ZMYND11: variants seen among roughly 807,000 people sequenced by gnomAD.
ZMYND11 encodes zinc finger MYND-type containing 11.
In ZMYND11, 9 loss-of-function variants were observed where a neutral mutation model predicts 84.9. The ratio of observed to expected loss-of-function variants is 0.11; its 90% CI spans 0.06 to 0.18. ZMYND11 has a LOEUF of 0.18. Ranked by LOEUF, ZMYND11 falls within the 10% of genes least tolerant of loss-of-function variation. ZMYND11 has a pLI of 1.00. For synonymous variants in ZMYND11, 250 were observed against 244.1 expected, an observed-to-expected ratio of 1.02 and a Z score of -0.23; for missense variants, 409 against 761.0, an observed-to-expected ratio of 0.54 and a Z score of 5.44.
chr10:245,302 T>C (rs1278882091), intron 10 of ZMYND11, among the ~76,000 whole-genome samples: 3 of 152,226 alleles, frequency 2.0e-5, no homozygotes, highest in Non-Finnish European at 2.9e-5. Context: ...GATTATTGTA[T>C]ATTTAAAGTG....
At chr10:163,063 A>T (rs1188439198) in intron 1 of ZMYND11, among the ~76,000 whole-genome samples, 2 of 152,138 alleles carry the variant, frequency 1.3e-5, no homozygotes, top group Non-Finnish European at 2.9e-5. Context: ...AGGTGCATAA[A>T]TTTTTTTAAT....
chr10:222,651 A>G (rs1564408235), intron 4 of ZMYND11, among the ~76,000 whole-genome samples: 2 of 152,050 alleles, frequency 1.3e-5, no homozygotes, highest in African/African-American at 2.4e-5. Flanking sequence ...GCAAATATAC[A>G]TCTTCCATTT....
intron 1 of ZMYND11, among the ~76,000 whole-genome samples, chr10:151,295 G>A (rs558333963): frequency 3.9e-5 from 6 of 152,278 alleles, no homozygotes; most frequent in African/African-American, 7.2e-5. Flanking sequence ...CGAACCCATC[G>A]CAAAGAAGCT....
intron 2 of ZMYND11, among the ~76,000 whole-genome samples, chr10:201,731 A>C (rs1195675745): frequency 6.6e-6 from 1 of 152,084 alleles, no homozygotes; most frequent in Admixed American, 6.6e-5. Context: ...CTGGGAGAGA[A>C]GGGAGCGCTC....
At chr10:163,234 C>T (rs965426960) in intron 1 of ZMYND11, among the ~76,000 whole-genome samples, 2 of 152,126 alleles carry the variant, frequency 1.3e-5, no homozygotes, top group African/African-American at 2.4e-5. Context: ...ATCACCCCCC[C>T]ACTACCTGGG....
chr10:143,306 G>A (rs1837916800), intron 1 of ZMYND11, among the ~76,000 whole-genome samples: 1 of 152,210 alleles, frequency 6.6e-6, no homozygotes, highest in African/African-American at 2.4e-5. Flanking sequence ...GGCTAGGCAT[G>A]GGGGAAGCTC....
intron 1 of ZMYND11, among the ~76,000 whole-genome samples, chr10:169,896 T>G (rs993505362): frequency 6.6e-6 from 1 of 152,100 alleles, no homozygotes; most frequent in Non-Finnish European, 1.5e-5. Context: ...TCAAAAATGC[T>G]TGACAATTTC....
At chr10:217,350 G>A (rs1454599984) in intron 3 of ZMYND11, among the ~76,000 whole-genome samples, 2 of 151,974 alleles carry the variant, frequency 1.3e-5, no homozygotes, top group African/African-American at 2.4e-5. Flanking sequence ...GCGAAATCCC[G>A]TCTCTACTAA....
At chr10:236,179 AC>A (rs1323874910) in intron 4 of ZMYND11, among the ~76,000 whole-genome samples, 3 of 152,358 alleles carry the variant, frequency 2.0e-5, no homozygotes, top group African/African-American at 7.2e-5. Context: ...AGGGACTTTG[AC>A]TAAGGAAATA....
intron 2 of ZMYND11, among the ~76,000 whole-genome samples, chr10:203,963 A>G (rs911277017): frequency 3.9e-5 from 6 of 152,212 alleles, no homozygotes; most frequent in African/African-American, 1.4e-4. Context: ...AAAACTGTGT[A>G]ATAATCCTTG....
chr10:172,999 G>A (rs1164326903), intron 1 of ZMYND11, among the ~76,000 whole-genome samples: 1 of 151,498 alleles, frequency 6.6e-6, no homozygotes, highest in African/African-American at 2.4e-5. Context: ...TAGCCCTTGA[G>A]GAAATGGTGC....
At chr10:235,492 ACT>A (rs1459357162) in intron 4 of ZMYND11, among the ~76,000 whole-genome samples, 5 of 151,922 alleles carry the variant, frequency 3.3e-5, no homozygotes, top group African/African-American at 9.7e-5. Flanking sequence ...TGCCATGGAC[ACT>A]CTGTCTTGGC....
chr10:133,745 T>C (rs1554750620), upstream of ZMYND11, among the ~76,000 whole-genome samples: 1 of 152,204 alleles, frequency 6.6e-6, no homozygotes, highest in East Asian at 1.9e-4. Context: ...ATGGCTTGCT[T>C]TTCTTCTGAC....
chr10:160,304 T>C (rs1554761311), intron 1 of ZMYND11, among the ~76,000 whole-genome samples: 3 of 152,212 alleles, frequency 2.0e-5, no homozygotes, highest in African/African-American at 7.2e-5. Context: ...ACAAGACAAA[T>C]GTACAGACCT....
chr10:159,850 T>C (rs1273895151), intron 1 of ZMYND11, among the ~76,000 whole-genome samples: 1 of 152,230 alleles, frequency 6.6e-6, no homozygotes, highest in African/African-American at 2.4e-5. Flanking sequence ...ATTTTGATTT[T>C]CTGATTTTTG....
chr10:179,408 C>A (rs1216601395), intron 1 of ZMYND11, among the ~76,000 whole-genome samples: 1 of 152,174 alleles, frequency 6.6e-6, no homozygotes, highest in Non-Finnish European at 1.5e-5. Context: ...TACACCTAAT[C>A]CAAGAATGTT....
At chr10:238,724 G>C (rs947453867) in intron 6 of ZMYND11, among the ~76,000 whole-genome samples, 5 of 152,046 alleles carry the variant, frequency 3.3e-5, no homozygotes, top group Admixed American at 6.6e-5. Context: ...GGTAAATGAA[G>C]GTTTTTCCCT....
At chr10:199,309 TCCTCCCTCCCTCCCTCCCTCTCTC>T (rs1564367005) in intron 2 of ZMYND11, among the ~76,000 whole-genome samples, 1 of 134,916 alleles carries the variant, frequency 7.4e-6, no homozygotes, top group East Asian at 2.2e-4. Flanking sequence ...CTCCCTCTCT[TCCTCCCTCCCTCCCTCCCTCTCTC>T]CCTCCGTCTC....
At position 189,942 on chromosome 10, in the gene ZMYND11, C is replaced by T. The variant is rs142061283; in HGVS notation, c.116+9814C>T. Among the ~76,000 whole-genome samples the T allele has an allele frequency of 3.0e-4, 46 of 152,002 alleles. No individual in the cohort carries two copies. The East Asian group carries it at 8.3e-3, about 28-fold the overall frequency. Reference sequence around the variant, plus strand: ...GATGGGATTCGACAAGGCAGAGAGGCGAGTCAAAGCATAGACTGTCTGGAT... The same window carrying T: ...GATGGGATTCGACAAGGCAGAGAGGTGAGTCAAAGCATAGACTGTCTGGAT... On this transcript the variant is annotated intron_variant, in intron 2 of 14. Transcript: ENST00000381604.
Sources: allele counts gnomAD v4.1 joint callset (sites outside exome capture counted in the v4.1 genomes callset), GRCh38; gene constraint gnomAD v4.1.1; transcripts MANE v1.5; gene names NCBI Gene and HGNC (gene_info 2026-07-23, HGNC 2026-07-21).